Variants in USP53 observed in about 807,000 individuals in gnomAD.
USP53 encodes the protein ubiquitin carboxyl-terminal hydrolase 53.
A neutral mutation model predicts 94.9 loss-of-function variants in USP53; 71 were observed. The observed-to-expected ratio is 0.75, with a 90% confidence interval of 0.62 to 0.91. USP53 has a LOEUF of 0.91. USP53 is among the 40% of genes least tolerant of loss of function. The pLI, the probability that USP53 is intolerant of heterozygous loss-of-function variation, is 0.00. For synonymous variants in USP53, 375 were observed against 422.7 expected, an observed-to-expected ratio of 0.89 and a Z score of 1.39; for missense variants, 1,173 against 1,281.0, an observed-to-expected ratio of 0.92 and a Z score of 1.29.
chr4:119,239,974 G>C, intron 5 of USP53, 71 bp downstream of exon 5: 4 of 1,262,134 alleles, frequency 3.2e-6, no homozygotes, highest in Non-Finnish European at 4.1e-6. Flanking sequence ...TGCTTCTTTA[G>C]CTCATAAATT....
intron 3 of USP53, among the ~76,000 whole-genome samples, chr4:119,224,920 C>A (rs1745038546): frequency 1.3e-5 from 2 of 151,264 alleles, no homozygotes; most frequent in Non-Finnish European, 1.5e-5. Context: ...CAAATTAAGC[C>A]CAAAGTAAGC....
chr4:119,287,585 A>G (rs939097102), intron 17 of USP53, among the ~76,000 whole-genome samples: 3 of 152,222 alleles, frequency 2.0e-5, no homozygotes, highest in Non-Finnish European at 4.4e-5. Flanking sequence ...ACAGTAAAGT[A>G]GAAACAGGAG....
In USP53 at chr4:119,212,817, G is replaced by T. The variant is rs1743036406; in HGVS notation, c.-998G>T. The T allele has an allele frequency of 7.1e-6, 2 of 281,504 alleles. No homozygotes were observed. Among genetic ancestry groups the T allele is most frequent in the African/African-American group, 2.2e-5 (1 of 45,842 alleles). 17.4% of individuals were successfully genotyped at this position (281,504 alleles called of 1,614,324 possible). A position where few individuals can be genotyped will look rare whatever the true frequency, so the allele number is the denominator to read the frequency against. On this transcript the variant is annotated 5_prime_UTR_variant, in exon 1 of 19. Coordinates refer to ENST00000692078, the MANE Select transcript of USP53 (RefSeq NM_001371395.1). ...GGAGGTAGCTCTGTGGGAGTGGAAG[G>T]CCTGTATTTCTCTACCTGGACCGCA...
intron 9 of USP53, among the ~76,000 whole-genome samples, chr4:119,258,949 G>A (rs957840994): frequency 6.6e-6 from 1 of 152,158 alleles, no homozygotes; most frequent in Non-Finnish European, 1.5e-5. Context: ...CAGTTACCCT[G>A]TAGTGTATTA....
At chr4:119,227,256 T>TATACAC (rs1376598406) in intron 3 of USP53, among the ~76,000 whole-genome samples, 34 of 125,076 alleles carry the variant, frequency 2.7e-4, no homozygotes, top group South Asian at 5.2e-4. Flanking sequence ...TGTCTAACAC[T>TATACAC]ACACACACAC....
At chr4:119,291,470 G>A (rs1405037663) in intron 18 of USP53, among the ~76,000 whole-genome samples, 2 of 152,102 alleles carry the variant, frequency 1.3e-5, no homozygotes, top group Non-Finnish European at 2.9e-5. Flanking sequence ...AATCCTCACA[G>A]CATTCTTATG....
At chr4:119,259,246 A>G (rs1242076046) in intron 9 of USP53, among the ~76,000 whole-genome samples, 1 of 143,436 alleles carries the variant, frequency 7.0e-6, no homozygotes, top group Non-Finnish European at 1.5e-5. Flanking sequence ...GCACCATTGC[A>G]CTCCAGCCTG....
chr4:119,270,670 T>A (rs776728868), intron 15 of USP53, among the ~76,000 whole-genome samples: 6 of 152,212 alleles, frequency 3.9e-5, no homozygotes, highest in Non-Finnish European at 8.8e-5. Context: ...CTCTTTATGG[T>A]TCTATGCTTT....
At chr4:119,231,710 C>T (rs930653184) in intron 3 of USP53, among the ~76,000 whole-genome samples, 4 of 151,996 alleles carry the variant, frequency 2.6e-5, no homozygotes, top group South Asian at 2.1e-4. Context: ...GAGAAGGAGC[C>T]GGAGGTGAAG....
At chr4:119,291,109 A>G (rs916047095) in intron 17 of USP53, 56 bp from the exon 18 acceptor site, 1 of 840,926 alleles carries the variant, frequency 1.2e-6, no homozygotes, top group Non-Finnish European at 1.8e-6. Flanking sequence ...ATTCTGTAAC[A>G]TAATTTAAAT....
chr4:119,259,947 T>C, intron 10 of USP53, 22 bp downstream of exon 10: 1 of 1,536,478 alleles, frequency 6.5e-7, no homozygotes, highest in African/African-American at 1.4e-5. Flanking sequence ...TTGGAGAATA[T>C]TAGTATGCTT....
intron 7 of USP53, among the ~76,000 whole-genome samples, chr4:119,253,076 T>G (rs1360016128): frequency 6.6e-6 from 1 of 152,204 alleles, no homozygotes; most frequent in Admixed American, 6.5e-5. Flanking sequence ...ATTTCTAATT[T>G]GGTTGCACTG....
intron 3 of USP53, chr4:119,218,875 T>C (rs148291273): frequency 1.3e-5 from 2 of 152,298 alleles, no homozygotes; most frequent in East Asian, 3.9e-4. Context: ...TGAGCAGTTG[T>C]AGCATATCAT....
chr4:119,273,622 T>TA lies in USP53; in HGVS notation c.2175-9dup. The TA allele has an allele frequency of 6.2e-7, 1 of 1,611,008 alleles. No homozygotes were observed. Among genetic ancestry groups the TA allele is most frequent in the East Asian group, 2.2e-5 (1 of 44,724 alleles). The stretch of plus-strand genomic sequence containing the variant: ...TACCTGATGTGTTTAGTGTGTATTT[T>TA]ATTTTCTAGTGACCAGATTACGACA... On this transcript the variant is annotated splice_polypyrimidine_tract_variant and intron_variant, in intron 16 of 18. Transcript: ENST00000692078.
chr4:119,268,863 T>C (rs1751501456), intron 14 of USP53, among the ~76,000 whole-genome samples: 1 of 152,226 alleles, frequency 6.6e-6, no homozygotes, highest in Non-Finnish European at 1.5e-5. Flanking sequence ...GTTACTGTTA[T>C]CCCATAACTA....
At chr4:119,230,692 T>G (rs1309207680) in intron 3 of USP53, among the ~76,000 whole-genome samples, 1 of 151,984 alleles carries the variant, frequency 6.6e-6, no homozygotes, top group Non-Finnish European at 1.5e-5. Flanking sequence ...CCAAAACACA[T>G]GAAATAACAG....
At chr4:119,273,250 G>A (rs1752097806) in intron 16 of USP53, 1 of 153,728 alleles carries the variant, frequency 6.5e-6, no homozygotes, top group South Asian at 2.0e-4. Flanking sequence ...GGAGGTCGAG[G>A]CTGCAGTGAA....
intron 12 of USP53, among the ~76,000 whole-genome samples, chr4:119,263,404 T>C (rs1489662989): frequency 6.6e-6 from 1 of 152,122 alleles, no homozygotes; most frequent in East Asian, 1.9e-4. Context: ...AAACTGGAGT[T>C]CAGGGAGGCC....
Position 119,294,851 on chromosome 4 carries a change from T to C in USP53, c.*1640T>C, listed in dbSNP as rs1383549560. ...TTATATTCTCGTAAGTTAGAAATAC[T>C]TGAATGCCAAATTAATTTTGTTTTA... is the stretch of plus-strand genomic sequence containing the variant. On this transcript the variant is annotated 3_prime_UTR_variant, in exon 19 of 19. Transcript: ENST00000692078. 2 of 152,158 alleles carry C rather than the reference T, an allele frequency of 1.3e-5. No individual in the cohort carries two copies. The highest frequency in any genetic ancestry group is 4.8e-5 in the African/African-American group (2 of 41,462). The allele number at this position is 152,158 out of a possible 1,614,324, so 9.4% of individuals were successfully genotyped here.
Sources: allele counts gnomAD v4.1 joint callset (sites outside exome capture counted in the v4.1 genomes callset), GRCh38; gene constraint gnomAD v4.1.1; transcripts MANE v1.5; gene names NCBI Gene and HGNC (gene_info 2026-07-23, HGNC 2026-07-21).